MROH1: variants seen among roughly 807,000 people sequenced by gnomAD.
The protein encoded by MROH1 is maestro heat like repeat family member 1.
A neutral mutation model predicts 116.5 loss-of-function variants in MROH1; 117 were observed. The observed-to-expected ratio is 1.00, with a 90% CI of 0.86 to 1.17. The LOEUF is 1.17. MROH1 is among the 50% of genes most tolerant of loss of function. The probability of loss-of-function intolerance (pLI) is 0.00; values close to 1 mark genes in which losing one functional copy is unlikely to be tolerated. For missense variants in MROH1, 1,873 were observed against 1,338.5 expected, an observed-to-expected ratio of 1.40 and a Z score of -6.23; for synonymous variants, 921 against 583.9, an observed-to-expected ratio of 1.58 and a Z score of -8.32.
rs906900441 is a variant in MROH1, at chr8:144,259,302, A to G, written c.3992A>G (p.His1331Arg). ...PLVLKTLACT[H>R]SSAYENQRVT... is the part of the protein sequence containing the mutation. ...GTGCTGAAGACGCTGGCATGCACAC[A>G]CAGCAGTGCGTATGAGAACCAGAGG... The change falls in exon 37 of 44, where the codon CAC becomes CGC. Residue 1331 changes from histidine (H) to arginine (R), a missense_variant. By Grantham distance (29) the His-to-Arg change is conservative. Transcript: ENST00000326134. 1.5e-5 allele frequency: 11 copies of G among 715,124 alleles called. No individual in the cohort carries two copies. The highest frequency in any genetic ancestry group is 2.9e-5 in the Non-Finnish European group (11 of 384,890). The allele number at this position is 715,124 out of a possible 1,614,324, so 44.3% of individuals were successfully genotyped here. A position where few individuals can be genotyped will look rare whatever the true frequency, so the allele number is the denominator to read the frequency against.
intron 19 of MROH1, 31 bp from the exon 20 acceptor site, chr8:144,240,539 C>A (rs1840797761): frequency 4.2e-6 from 3 of 714,898 alleles, no homozygotes; most frequent in African/African-American, 3.5e-5. Flanking sequence ...GGGTCGGGCT[C>A]CCAGCCCCTC....
intron 7 of MROH1, among the ~76,000 whole-genome samples, chr8:144,186,053 G>T (rs188743588): frequency 1.3e-5 from 2 of 152,224 alleles, no homozygotes; most frequent in Non-Finnish European, 2.9e-5. Flanking sequence ...GGGCTCCGCA[G>T]TGGGCTCTCT....
chr8:144,239,090 T>C lies in MROH1; in HGVS notation c.1502T>C (p.Leu501Pro). The C allele has an allele frequency of 2.6e-6, 2 of 777,016 alleles. No individual in the cohort carries two copies. The highest frequency in any genetic ancestry group is 1.7e-5 in the African/African-American group (1 of 59,252). 48.1% of individuals were successfully genotyped at this position (777,016 alleles called of 1,614,324 possible). Residue 501 changes from leucine (L) to proline (P), a missense_variant, in exon 16 of 44, where the codon CTG becomes CCG. Physicochemically the swap from Leu to Pro is moderately conservative, Grantham distance 98 (BLOSUM62 -3). Coordinates refer to ENST00000326134, the MANE Select transcript of MROH1 (RefSeq NM_032450.3). ...ACCCCTGTGCGCTTCACTGGGGCCC[T>C]GACTCCGCTCTGCAGGAGCCTCGTG... is the stretch of plus-strand genomic sequence containing the variant. ...FLTPVRFTGA[L>P]TPLCRSLVHL... is the part of the protein sequence containing the mutation.
chr8:144,242,164 G>GCTGC lies in MROH1; in HGVS notation c.2179-201_2179-198dup, dbSNP rs1439234671. 4 of 648,042 alleles carry GCTGC rather than the reference G, an allele frequency of 6.2e-6. No homozygotes were observed. The African/African-American group carries it at 7.2e-5, about 12-fold the overall frequency. 40.1% of individuals were successfully genotyped at this position (648,042 alleles called of 1,614,324 possible). Reference sequence around the variant, plus strand: ...TACCCAGTGGGCCCATGCCTGGCTGGCTGCCTGTGCTCCTGCCCCTTGCAA... The same window carrying GCTGC: ...TACCCAGTGGGCCCATGCCTGGCTGGCTGCCTGCCTGTGCTCCTGCCCCTTGCAA... On this transcript the variant is annotated intron_variant, in intron 22 of 43. Coordinates refer to ENST00000326134, the MANE Select transcript of MROH1 (RefSeq NM_032450.3).
At chr8:144,213,503 G>C (rs1039623037) in intron 12 of MROH1, 1 of 160,956 alleles carries the variant, frequency 6.2e-6, no homozygotes, top group African/African-American at 2.4e-5. Flanking sequence ...AACATGATTT[G>C]CTGGGCTGGG....
intron 14 of MROH1, among the ~76,000 whole-genome samples, chr8:144,233,952 A>G (rs1839471832): frequency 6.6e-6 from 1 of 152,122 alleles, no homozygotes; most frequent in African/African-American, 2.4e-5. Context: ...AGTCATCCGG[A>G]ATTTTTATAG....
chr8:144,194,906 T>C (rs1233113294), intron 10 of MROH1, among the ~76,000 whole-genome samples: 2 of 149,816 alleles, frequency 1.3e-5, no homozygotes, highest in African/African-American at 2.5e-5. Context: ...AGACCTTGTC[T>C]CGAAAAAGAA....
intron 10 of MROH1, among the ~76,000 whole-genome samples, chr8:144,194,220 G>A (rs1395358945): frequency 1.3e-5 from 2 of 150,798 alleles, no homozygotes; most frequent in African/African-American, 4.9e-5. Context: ...GCACCACCAC[G>A]CCTGGCTAAT....
chr8:144,198,176 T>G (rs1265498200), intron 10 of MROH1, among the ~76,000 whole-genome samples: 7 of 152,026 alleles, frequency 4.6e-5, no homozygotes, highest in African/African-American at 1.7e-4. Context: ...CAGGTTGGGG[T>G]GTGGCCCTGT....
chr8:144,163,745 A>AAATCTT lies in MROH1; in HGVS notation c.-56-25_-56-20dup. ...CAGATATCGTAGAGGCTTATGAATT[A>AAATCTT]AATCTTGTGATTTTGGTTATTCCAG... On this transcript the variant is annotated intron_variant, in intron 2 of 43. Transcript: ENST00000326134. The surrounding 1 kb of genome is among the most constrained non-coding windows in gnomAD (Gnocchi z 4.4). The AAATCTT allele has an allele frequency of 6.8e-7, 1 of 1,467,752 alleles. No individual in the cohort carries two copies. Among genetic ancestry groups the AAATCTT allele is most frequent in the Non-Finnish European group, 9.5e-7 (1 of 1,053,738 alleles). The allele number at this position is 1,467,752 out of a possible 1,614,324, so 90.9% of individuals were successfully genotyped here.
At position 144,223,189 on chromosome 8, in the gene MROH1, G is replaced by A. The variant is rs780234293; in HGVS notation, c.1297G>A (p.Glu433Lys). Reference protein sequence around the residue: ...LEQPGGEAMIEYIVQQCALPP... With the variant: ...LEQPGGEAMIKYIVQQCALPP... ...GCAGCCTGGAGGTGAGGCGATGATCGAGTACATCGTGCAGCAGTGCGCGCT... is the reference window on the plus strand; with the variant it reads ...GCAGCCTGGAGGTGAGGCGATGATCAAGTACATCGTGCAGCAGTGCGCGCT... The change falls in exon 14 of 44, where the codon GAG becomes AAG. Residue 433 changes from glutamate (E) to lysine (K), a missense_variant. By Grantham distance (56) the Glu-to-Lys change is moderately conservative (BLOSUM62 1). Coordinates refer to ENST00000326134, the MANE Select transcript of MROH1 (RefSeq NM_032450.3). 15 of 1,611,320 alleles carry A rather than the reference G, an allele frequency of 9.3e-6. No individual in the cohort carries two copies. The highest frequency in any genetic ancestry group is 1.7e-5 in the Admixed American group (1 of 59,564).
intron 3 of MROH1, among the ~76,000 whole-genome samples, chr8:144,164,638 T>G (rs1352248868): frequency 6.6e-6 from 1 of 151,988 alleles, no homozygotes; most frequent in African/African-American, 2.4e-5. Flanking sequence ...GCTCAAGTGA[T>G]CCACCCTCCT....
At chr8:144,169,372 AG>A (rs1276905797) in intron 4 of MROH1, among the ~76,000 whole-genome samples, 1 of 152,050 alleles carries the variant, frequency 6.6e-6, no homozygotes, top group Non-Finnish European at 1.5e-5. Flanking sequence ...TTCCTGGGGC[AG>A]GGTCTCTCCT....
At position 144,247,359 on chromosome 8, in the gene MROH1, C is replaced by G. The variant is rs951949687; in HGVS notation, c.2930C>G (p.Ala977Gly). Residue 977 changes from alanine (A) to glycine (G), a missense_variant, in exon 30 of 44, where the codon GCG becomes GGG. Physicochemically the swap from Ala to Gly is moderately conservative, Grantham distance 60 (BLOSUM62 0). Coordinates refer to ENST00000326134, the MANE Select transcript of MROH1 (RefSeq NM_032450.3). ...LLIGLFSPRCADLWPATRQEA... is the reference protein window; with the variant it reads ...LLIGLFSPRCGDLWPATRQEA... ...ATCGGCCTCTTCTCCCCACGGTGTG[C>G]GGACCTGTGGCCTGCCACCCGCCAG... The G allele has an allele frequency of 3.9e-6, 3 of 771,806 alleles. No individual in the cohort carries two copies. Among genetic ancestry groups the G allele is most frequent in the South Asian group, 2.8e-5 (2 of 72,698 alleles). The allele number at this position is 771,806 out of a possible 1,614,324, so 47.8% of individuals were successfully genotyped here.
In MROH1 at chr8:144,255,413, G is replaced by A. The variant is rs1347514660; in HGVS notation, c.3595-96G>A. 6 of 707,994 alleles carry A rather than the reference G, an allele frequency of 8.5e-6. No homozygotes were observed. The East Asian group carries it at 1.1e-4, about 13-fold the overall frequency. The allele number at this position is 707,994 out of a possible 1,614,324, so 43.9% of individuals were successfully genotyped here. A position where few individuals can be genotyped will look rare whatever the true frequency, so the allele number is the denominator to read the frequency against. On this transcript the variant is annotated intron_variant, in intron 34 of 43. Transcript: ENST00000326134. ...TGGGATCTGAGACCTCCGAGCACAT[G>A]ATGCAGGCGAAGGGGGATGCAGTCT...
Position 144,168,353 on chromosome 8 carries a change from G to T in MROH1, c.81G>T (p.Gln27His), listed in dbSNP as rs922546872. The T allele has an allele frequency of 5.0e-6, 8 of 1,611,058 alleles. No individual in the cohort carries two copies. The highest frequency in any genetic ancestry group is 5.9e-6 in the Non-Finnish European group (7 of 1,179,714). ...ITDKDPLVQE[Q>H]VCSALCSLGE... ...ATAAGGACCCCCTGGTGCAGGAGCAGGTCTGCAGTGCCCTGTGCTCCCTCG... is the reference window on the plus strand; with the variant it reads ...ATAAGGACCCCCTGGTGCAGGAGCATGTCTGCAGTGCCCTGTGCTCCCTCG... The change falls in exon 4 of 44, where the codon CAG becomes CAT. Residue 27 changes from glutamine to histidine, a missense_variant. Physicochemically the swap from Gln to His is conservative, Grantham distance 24. Transcript: ENST00000326134.
chr8:144,223,047 G>T, intron 13 of MROH1, 61 bp from the exon 14 acceptor site: 1 of 1,604,196 alleles, frequency 6.2e-7, no homozygotes, highest in South Asian at 1.1e-5. Flanking sequence ...CTCTCTGCTG[G>T]CTGGACTGGC....
In MROH1 at chr8:144,152,738, G is replaced by A. The variant is rs1330366835; in HGVS notation, c.-177+4662G>A. Reference sequence around the variant, plus strand: ...ATTTTTTGTATTTTTTAGTAGAGACGGGGTTTTACTGTGTTGGCCAGGATG... The same window carrying A: ...ATTTTTTGTATTTTTTAGTAGAGACAGGGTTTTACTGTGTTGGCCAGGATG... On this transcript the variant is annotated intron_variant, in intron 1 of 43. Transcript: ENST00000326134. 3.3e-5 allele frequency among the ~76,000 whole-genome samples: 5 copies of A among 151,930 alleles called. No individual in the cohort carries two copies. The South Asian group carries it at 6.2e-4, about 19-fold the overall frequency.
rs1268365186 is a variant in MROH1, at chr8:144,242,433, C to T, written c.2243C>T (p.Ala748Val). ...CTGATCCTGTGCTATGGGCACGTGG[C>T]GGCCCGGGCCCCCCGGGAGCTGGTG... is the stretch of plus-strand genomic sequence containing the variant. The part of the protein sequence containing the change: ...SALILCYGHV[A>V]ARAPRELVLA... The change falls in exon 23 of 44, where the codon GCG becomes GTG. Residue 748 changes from alanine (A) to valine (V), a missense_variant. Physicochemically the swap from Ala to Val is moderately conservative, Grantham distance 64. Coordinates refer to ENST00000326134, the MANE Select transcript of MROH1 (RefSeq NM_032450.3). 2.0e-5 allele frequency: 16 copies of T among 780,710 alleles called. No homozygotes were observed. Among genetic ancestry groups the T allele is most frequent in the Middle Eastern group, 2.3e-4 (1 of 4,424 alleles). The allele number at this position is 780,710 out of a possible 1,614,324, so 48.4% of individuals were successfully genotyped here.
Sources: allele counts gnomAD v4.1 joint callset (sites outside exome capture counted in the v4.1 genomes callset), GRCh38; gene constraint gnomAD v4.1.1; non-coding constraint Gnocchi (gnomAD v3.1); transcripts MANE v1.5; gene names NCBI Gene and HGNC (gene_info 2026-07-23, HGNC 2026-07-21).